The following ELOVL5 variants were observed in gnomAD, a reference collection of about 807,000 sequenced individuals.
The protein encoded by ELOVL5 is very long chain fatty acid elongase 5.
Under a neutral mutation model 38.6 loss-of-function variants are expected in ELOVL5, and 8 were observed. The observed-to-expected ratio is 0.21, with a 90% CI of 0.12 to 0.37. The LOEUF is 0.37. ELOVL5 is among the 10% of genes least tolerant of loss of function. The pLI is 1.00. For missense variants in ELOVL5, 280 were observed against 367.8 expected, an observed-to-expected ratio of 0.76 and a Z score of 1.95; for synonymous variants, 127 against 133.7, an observed-to-expected ratio of 0.95 and a Z score of 0.34.
At chr6:53,300,536 A>G (rs1354485800) in intron 1 of ELOVL5, among the ~76,000 whole-genome samples, 1 of 152,214 alleles carries the variant, frequency 6.6e-6, no homozygotes, top group East Asian at 1.9e-4. Flanking sequence ...AACATAGAGA[A>G]GGCAGCCTGA....
In ELOVL5 at chr6:53,273,173, G is replaced by A. The variant is rs537497996; in HGVS notation, c.621+47C>T. On this transcript the variant is annotated intron_variant, in intron 6 of 7. Coordinates refer to ENST00000304434, the MANE Select transcript of ELOVL5 (RefSeq NM_021814.5). ...TAACACTAAAGCCAGGAAGAGGTCT[G>A]TATCCACCAGGAAGTAAGTCCTGGG... The A allele has an allele frequency of 2.2e-5, 35 of 1,606,826 alleles. 2 individuals carry two copies. The South Asian group carries it at 3.8e-4, about 17-fold the overall frequency.
chr6:53,269,963 G>A (rs1765863113), intron 7 of ELOVL5, among the ~76,000 whole-genome samples: 1 of 152,164 alleles, frequency 6.6e-6, no homozygotes, highest in Admixed American at 6.5e-5. Context: ...GCCCAGATCA[G>A]CAGGCCTTAT....
chr6:53,275,989 T>G (rs937867893), intron 4 of ELOVL5, among the ~76,000 whole-genome samples, 190 bp downstream of exon 4: 4 of 152,250 alleles, frequency 2.6e-5, no homozygotes. Context: ...GGGGGATGCT[T>G]TAGGTTTTAT....
intron 1 of ELOVL5, among the ~76,000 whole-genome samples, chr6:53,320,880 A>G (rs1768277869): frequency 6.6e-6 from 1 of 152,188 alleles, no homozygotes; most frequent in Admixed American, 6.5e-5. Context: ...TTTTTAAATG[A>G]CTGAAAATAT....
chr6:53,308,764 A>G (rs1372689283), intron 1 of ELOVL5, among the ~76,000 whole-genome samples: 1 of 151,912 alleles, frequency 6.6e-6, no homozygotes, highest in East Asian at 1.9e-4. Context: ...ACACTGTATT[A>G]CAGAGACAGA....
At chr6:53,275,347 A>T (rs967576942) in intron 4 of ELOVL5, 86 bp from the exon 5 acceptor site, 1 of 1,418,930 alleles carries the variant, frequency 7.0e-7, no homozygotes, top group African/African-American at 1.4e-5. Context: ...AATATCCAAA[A>T]ATCTGATGTC....
intron 1 of ELOVL5, among the ~76,000 whole-genome samples, chr6:53,345,914 T>C (rs1478593977): frequency 5.3e-5 from 8 of 152,204 alleles, no homozygotes; most frequent in Non-Finnish European, 1.0e-4. Context: ...TTTCTTCCAC[T>C]TTAAGTTATG....
intron 1 of ELOVL5, among the ~76,000 whole-genome samples, chr6:53,334,249 C>T (rs1175671806): frequency 6.6e-6 from 1 of 152,112 alleles, no homozygotes; most frequent in Admixed American, 6.5e-5. Flanking sequence ...GGGCTTCAGC[C>T]TCCCAAACTC....
At chr6:53,309,237 G>C (rs1304752377) in intron 1 of ELOVL5, among the ~76,000 whole-genome samples, 1 of 152,150 alleles carries the variant, frequency 6.6e-6, no homozygotes, top group Non-Finnish European at 1.5e-5. Flanking sequence ...ACACAGAAAG[G>C]AATTTAGTAA....
chr6:53,298,922 T>C (rs1218009671), intron 1 of ELOVL5, among the ~76,000 whole-genome samples: 1 of 146,514 alleles, frequency 6.8e-6, no homozygotes, highest in African/African-American at 2.6e-5. Flanking sequence ...GTTGATAATA[T>C]ATCAGGAGAG....
intron 1 of ELOVL5, among the ~76,000 whole-genome samples, chr6:53,334,412 T>A (rs1316655147): frequency 6.6e-6 from 1 of 152,142 alleles, no homozygotes; most frequent in Non-Finnish European, 1.5e-5. Flanking sequence ...TTTACTTAAT[T>A]TATTTTAATT....
chr6:53,282,916 C>T (rs1312824567), intron 3 of ELOVL5, among the ~76,000 whole-genome samples: 2 of 152,208 alleles, frequency 1.3e-5, no homozygotes, highest in Admixed American at 1.3e-4. Context: ...AAAGCAACTG[C>T]TCTGTGGTTC....
chr6:53,338,727 C>A (rs903247312), intron 1 of ELOVL5, among the ~76,000 whole-genome samples: 4 of 152,192 alleles, frequency 2.6e-5, no homozygotes, highest in African/African-American at 9.7e-5. Context: ...ATTCAAAAGG[C>A]TTTTAAGCAA....
At chr6:53,278,469 G>A (rs991110508) in intron 3 of ELOVL5, among the ~76,000 whole-genome samples, 1 of 152,144 alleles carries the variant, frequency 6.6e-6, no homozygotes, top group Non-Finnish European at 1.5e-5. Flanking sequence ...TTTAAGAAGG[G>A]ATCCAGGTGG....
intron 1 of ELOVL5, among the ~76,000 whole-genome samples, chr6:53,322,751 T>C (rs886168902): frequency 1.3e-5 from 2 of 152,266 alleles, no homozygotes; most frequent in Admixed American, 6.5e-5. Flanking sequence ...GGTCAAGTAC[T>C]AAGATAAGCT....
Position 53,268,090 on chromosome 6 carries a change from C to G in ELOVL5, c.*1037G>C, listed in dbSNP as rs148578233. On this transcript the variant is annotated 3_prime_UTR_variant, in exon 8 of 8. Transcript: ENST00000304434. ...AAAAAGTTCTAAGGTCCTTTCCCCC[C>G]CTTTGTTAATTTTGGTAAACTAGGC... 8 of 152,286 alleles carry G rather than the reference C, an allele frequency of 5.3e-5. No individual in the cohort carries two copies. The East Asian group carries it at 7.7e-4, about 15-fold the overall frequency. The allele number at this position is 152,286 out of a possible 1,614,324, so 9.4% of individuals were successfully genotyped here.
chr6:53,269,546 ACTTTG>A (rs1160065491), intron 7 of ELOVL5, among the ~76,000 whole-genome samples: 1 of 152,102 alleles, frequency 6.6e-6, no homozygotes, highest in Non-Finnish European at 1.5e-5. Context: ...TTCAATTTAC[ACTTTG>A]CTTTGCCTTT....
chr6:53,325,234 C>T (rs952428655), intron 1 of ELOVL5, among the ~76,000 whole-genome samples: 2 of 152,144 alleles, frequency 1.3e-5, no homozygotes, highest in African/African-American at 4.8e-5. Context: ...ATGTCCTATC[C>T]AAGGACAGGA....
intron 5 of ELOVL5, 60 bp from the exon 6 acceptor site, chr6:53,273,404 G>GA: frequency 7.1e-7 from 1 of 1,409,938 alleles, no homozygotes; most frequent in East Asian, 2.4e-5. Context: ...AGAACAGGTG[G>GA]TAAAAAAAAA....
Sources: allele counts gnomAD v4.1 joint callset (sites outside exome capture counted in the v4.1 genomes callset), GRCh38; gene constraint gnomAD v4.1.1; transcripts MANE v1.5; gene names NCBI Gene and HGNC (gene_info 2026-07-23, HGNC 2026-07-21).